Variants in ANO10 observed in about 807,000 individuals in gnomAD.
The protein encoded by ANO10 is anoctamin-10.
A neutral mutation model predicts 74.7 loss-of-function variants in ANO10; 77 were observed. The observed-to-expected ratio is 1.03, with a 90% CI of 0.86 to 1.25. The LOEUF (loss-of-function observed/expected upper bound fraction) is 1.25, where lower values mean the gene tolerates loss of function less well. ANO10 is among the 50% of genes most tolerant of loss of function. The pLI, the probability that ANO10 is intolerant of heterozygous loss-of-function variation, is 0.00. For missense variants in ANO10, 721 were observed against 778.1 expected, an observed-to-expected ratio of 0.93 and a Z score of 0.87; for synonymous variants, 279 against 284.9, an observed-to-expected ratio of 0.98 and a Z score of 0.21.
intron 1 of ANO10, among the ~76,000 whole-genome samples, chr3:43,684,483 G>A (rs1408791277): frequency 6.6e-6 from 1 of 152,170 alleles, no homozygotes; most frequent in Non-Finnish European, 1.5e-5. Context: ...ACTGTTGGTG[G>A]GACTGTAAAC....
chr3:43,540,783 GAAGA>G (rs2149276870), intron 11 of ANO10, among the ~76,000 whole-genome samples: 1 of 152,320 alleles, frequency 6.6e-6, no homozygotes, highest in East Asian at 1.9e-4. Flanking sequence ...GGAAGGAGGT[GAAGA>G]AAGAGGCCTC....
At chr3:43,472,095 G>A (rs1283745542) in intron 11 of ANO10, among the ~76,000 whole-genome samples, 1 of 152,140 alleles carries the variant, frequency 6.6e-6, no homozygotes, top group Non-Finnish European at 1.5e-5. Flanking sequence ...GCAATAACAT[G>A]GATGAATCTC....
intron 1 of ANO10, among the ~76,000 whole-genome samples, chr3:43,678,758 C>T (rs1283855666): frequency 6.6e-6 from 1 of 152,082 alleles, no homozygotes; most frequent in African/African-American, 2.4e-5. Context: ...GCTCATACTC[C>T]TACAGTAAAG....
chr3:43,560,666 A>G (rs1266868018), intron 9 of ANO10, among the ~76,000 whole-genome samples: 1 of 152,258 alleles, frequency 6.6e-6, no homozygotes, highest in East Asian at 1.9e-4. Flanking sequence ...TATGAGCTAG[A>G]CCTTTCAAAT....
chr3:43,536,264 G>T (rs953070862), intron 11 of ANO10, among the ~76,000 whole-genome samples: 2 of 152,146 alleles, frequency 1.3e-5, no homozygotes, highest in African/African-American at 4.8e-5. Flanking sequence ...GATATCAACT[G>T]TGATCCCTCA....
At chr3:43,377,506 A>G (rs1047477450) in intron 12 of ANO10, among the ~76,000 whole-genome samples, 12 of 152,296 alleles carry the variant, frequency 7.9e-5, no homozygotes, top group Non-Finnish European at 1.2e-4. Context: ...GGGCGGCAGC[A>G]TTGTTCTTTC....
intron 11 of ANO10, among the ~76,000 whole-genome samples, chr3:43,467,830 A>G (rs1043259644): frequency 1.3e-5 from 2 of 152,262 alleles, no homozygotes; most frequent in Non-Finnish European, 2.9e-5. Flanking sequence ...TGCAACAGTA[A>G]TAAATACAAT....
At chr3:43,672,988 T>G (rs2084078350) in intron 1 of ANO10, among the ~76,000 whole-genome samples, 1 of 152,218 alleles carries the variant, frequency 6.6e-6, no homozygotes, top group Non-Finnish European at 1.5e-5. Flanking sequence ...GCTCTAGCCA[T>G]GTAGGTAAAC....
At chr3:43,515,928 G>A (rs1294744054) in intron 11 of ANO10, among the ~76,000 whole-genome samples, 4 of 152,170 alleles carry the variant, frequency 2.6e-5, no homozygotes, top group Admixed American at 6.6e-5. Context: ...CCTGCCTTCT[G>A]AGCAGAATCA....
chr3:43,690,960 G>T (rs760227234), intron 1 of ANO10: 1 of 1,556,192 alleles, frequency 6.4e-7, no homozygotes. Context: ...AGCCGGCTTC[G>T]AGATAAGTCC....
At chr3:43,422,967 T>G (rs1413061514) in intron 12 of ANO10, among the ~76,000 whole-genome samples, 1 of 152,224 alleles carries the variant, frequency 6.6e-6, no homozygotes, top group Admixed American at 6.5e-5. Flanking sequence ...AAAGGAGGAT[T>G]GCTCCAGAGC....
chr3:43,552,614 T>A (rs1354834071), intron 10 of ANO10, among the ~76,000 whole-genome samples: 2 of 150,978 alleles, frequency 1.3e-5, no homozygotes, highest in African/African-American at 4.9e-5. Context: ...TTAGGATAGG[T>A]GTACTGGCAA....
At chr3:43,596,925 C>G (rs2149470777) in intron 4 of ANO10, among the ~76,000 whole-genome samples, 1 of 152,204 alleles carries the variant, frequency 6.6e-6, no homozygotes, top group Non-Finnish European at 1.5e-5. Flanking sequence ...AAGAAAAAAT[C>G]AAACAACCCC....
At chr3:43,474,221 C>T (rs751663137) in intron 11 of ANO10, among the ~76,000 whole-genome samples, 4 of 152,068 alleles carry the variant, frequency 2.6e-5, no homozygotes, top group Non-Finnish European at 4.4e-5. Context: ...CCCGCCCCCC[C>T]CAACCCCAAT....
intron 2 of ANO10, among the ~76,000 whole-genome samples, chr3:43,602,184 C>T (rs1325275356): frequency 6.6e-6 from 1 of 152,192 alleles, no homozygotes; most frequent in Non-Finnish European, 1.5e-5. Flanking sequence ...CCCCCTCCTC[C>T]TTCTTTCCAC....
chr3:43,673,736 A>AAT (rs1381839087), intron 1 of ANO10, among the ~76,000 whole-genome samples: 2 of 152,214 alleles, frequency 1.3e-5, no homozygotes, highest in Non-Finnish European at 2.9e-5. Flanking sequence ...TATTAAATGA[A>AAT]ATAGAAGGCA....
intron 12 of ANO10, among the ~76,000 whole-genome samples, chr3:43,375,044 C>G (rs147247597): frequency 0.03 from 4,515 of 151,990 alleles, 155 homozygotes; most frequent in African/African-American, 0.086. Flanking sequence ...CCACATGAAC[C>G]CGGGAGGCGG....
chr3:43,485,815 G>A, intron 11 of ANO10: 2 of 277,414 alleles, frequency 7.2e-6, no homozygotes, highest in African/African-American at 2.3e-5. Flanking sequence ...GCAGTGTGTG[G>A]CATTCCGGGG....
At chr3:43,532,410 TAGAA>T (rs770845134) in intron 11 of ANO10, among the ~76,000 whole-genome samples, 37 of 152,274 alleles carry the variant, frequency 2.4e-4, no homozygotes, top group Admixed American at 3.3e-4. Context: ...GAGGAGTAGA[TAGAA>T]AGAAATAATC....
Sources: gnomAD v4.1 joint callset for allele counts (sites outside exome capture counted in the v4.1 genomes callset) on GRCh38, gnomAD v4.1.1 for gene constraint, MANE v1.5 for transcripts, NCBI Gene and HGNC (gene_info 2026-07-23, HGNC 2026-07-21) for gene names.